Variants in SRGAP1 observed in about 807,000 individuals in gnomAD.
SRGAP1 encodes the protein SLIT-ROBO Rho GTPase activating protein 1, also known as SLIT-ROBO Rho GTPase-activating protein 1.
A neutral mutation model predicts 121.9 loss-of-function variants in SRGAP1; 43 were observed. That is an observed-to-expected ratio of 0.35 (90% CI 0.28 to 0.46). The LOEUF (loss-of-function observed/expected upper bound fraction) is 0.46. Ranked by LOEUF, SRGAP1 falls within the 20% of genes least tolerant of loss-of-function variation. The probability of loss-of-function intolerance (pLI) is 1.00; values close to 1 mark genes in which losing one functional copy is unlikely to be tolerated. For synonymous variants in SRGAP1, 447 were observed against 485.4 expected (o/e 0.92, Z 1.04); for missense variants, 1,102 against 1,350.9 (o/e 0.82, Z 2.89).
At chr12:64,062,710 G>A (rs1052094630) in intron 6 of SRGAP1, among the ~76,000 whole-genome samples, 1 of 151,636 alleles carries the variant, frequency 6.6e-6, no homozygotes, top group Non-Finnish European at 1.5e-5. Context: ...AGAGACGGGG[G>A]GTCTTCAATT....
intron 1 of SRGAP1, among the ~76,000 whole-genome samples, chr12:63,905,566 C>G (rs1317397904): frequency 2.0e-5 from 3 of 152,178 alleles, no homozygotes; most frequent in Non-Finnish European, 4.4e-5. Flanking sequence ...GAGCTCTAAA[C>G]TAACAAGTTT....
At chr12:63,963,175 A>G (rs1404619789) in intron 1 of SRGAP1, among the ~76,000 whole-genome samples, 2 of 152,190 alleles carry the variant, frequency 1.3e-5, no homozygotes, top group African/African-American at 4.8e-5. Context: ...CACAGGAACC[A>G]CCAGTTAAGA....
intron 1 of SRGAP1, among the ~76,000 whole-genome samples, chr12:63,870,106 A>G (rs1161888461): frequency 6.6e-6 from 1 of 152,210 alleles, no homozygotes; most frequent in Non-Finnish European, 1.5e-5. Flanking sequence ...CTTCCAAAAA[A>G]CTAGGAAGAA....
intron 8 of SRGAP1, among the ~76,000 whole-genome samples, chr12:64,069,579 A>G: frequency 6.6e-6 from 1 of 152,184 alleles, no homozygotes. Context: ...CTGCTGCCAC[A>G]CAGCCTTGTT....
At chr12:64,080,595 TG>T in intron 10 of SRGAP1, 1 of 607,726 alleles carries the variant, frequency 1.6e-6, no homozygotes, top group Non-Finnish European at 3.0e-6. Flanking sequence ...TAGGGAGGGC[TG>T]GAAAGTCAAT....
At chr12:63,878,984 G>A (rs1259443764) in intron 1 of SRGAP1, 8 of 152,070 alleles carry the variant, frequency 5.3e-5, no homozygotes, top group Admixed American at 4.6e-4. Context: ...AATGATTTTT[G>A]AAAAACTTTA....
intron 3 of SRGAP1, among the ~76,000 whole-genome samples, chr12:64,008,267 T>C (rs2034147349): frequency 6.6e-6 from 1 of 152,220 alleles, no homozygotes; most frequent in African/African-American, 2.4e-5. Context: ...TCATCCCATG[T>C]GCAATTGCCC....
At chr12:64,090,347 TA>T (rs1384416502) in intron 11 of SRGAP1, among the ~76,000 whole-genome samples, 1 of 152,214 alleles carries the variant, frequency 6.6e-6, no homozygotes, top group African/African-American at 2.4e-5. Flanking sequence ...CATAAACAAG[TA>T]CATCCTCAGA....
intron 2 of SRGAP1, 83 bp downstream of exon 2, chr12:63,984,225 A>G (rs2033353027): frequency 6.4e-6 from 5 of 778,864 alleles, no homozygotes; most frequent in Admixed American, 3.2e-5. Context: ...TTATTTTTCT[A>G]TTTTTGTCTG....
chr12:64,054,386 C>T (rs1044455378), intron 6 of SRGAP1, among the ~76,000 whole-genome samples: 5 of 152,138 alleles, frequency 3.3e-5, no homozygotes, highest in Non-Finnish European at 5.9e-5. Flanking sequence ...TAATCAGCTA[C>T]GTTAAAGCTT....
intron 18 of SRGAP1, 25 bp downstream of exon 18, chr12:64,115,918 T>C: frequency 6.3e-7 from 1 of 1,588,956 alleles, no homozygotes; most frequent in Non-Finnish European, 8.6e-7. Flanking sequence ...TATGCTATTA[T>C]AAAGCCAGTC....
chr12:64,017,577 C>T (rs2034435901), intron 4 of SRGAP1, among the ~76,000 whole-genome samples: 1 of 151,796 alleles, frequency 6.6e-6, no homozygotes, highest in South Asian at 2.1e-4. Context: ...ATCACTTGAA[C>T]CCGGGAGGCA....
chr12:63,931,492 T>C (rs1344285682), intron 1 of SRGAP1, among the ~76,000 whole-genome samples: 2 of 152,204 alleles, frequency 1.3e-5, no homozygotes, highest in African/African-American at 4.8e-5. Flanking sequence ...CTCTAACAAA[T>C]ATTTATTGAG....
intron 1 of SRGAP1, among the ~76,000 whole-genome samples, chr12:63,890,387 T>C (rs1900539111): frequency 6.6e-6 from 1 of 152,166 alleles, no homozygotes; most frequent in Non-Finnish European, 1.5e-5. Context: ...CCCTCCTCCA[T>C]GCCATTCGCT....
At chr12:63,969,595 C>T (rs2032883747) in intron 1 of SRGAP1, among the ~76,000 whole-genome samples, 1 of 151,984 alleles carries the variant, frequency 6.6e-6, no homozygotes, top group African/African-American at 2.4e-5. Flanking sequence ...AGATTGAGAC[C>T]ATCCTGGCTA....
chr12:64,073,735 G>C (rs2035683969), intron 8 of SRGAP1, among the ~76,000 whole-genome samples: 1 of 147,366 alleles, frequency 6.8e-6, no homozygotes, highest in Admixed American at 6.7e-5. Context: ...ACCCACAGTT[G>C]GTTGAATTTG....
At chr12:63,929,572 C>T (rs914296497) in intron 1 of SRGAP1, among the ~76,000 whole-genome samples, 11 of 142,686 alleles carry the variant, frequency 7.7e-5, no homozygotes, top group South Asian at 2.1e-4. Flanking sequence ...AAAGCCCCCA[C>T]GAGTTTTTTT....
rs1592984503 is a variant in SRGAP1 at position 63,960,940 on chromosome 12, C to T, written c.68-23007C>T. 5.3e-5 allele frequency among the ~76,000 whole-genome samples: 8 copies of T among 152,192 alleles called. No individual in the cohort carries two copies. The South Asian group carries it at 1.7e-3, about 32-fold the overall frequency. On this transcript the variant is annotated intron_variant, in intron 1 of 21. Coordinates refer to ENST00000355086, the MANE Select transcript of SRGAP1 (RefSeq NM_020762.4). ...GCTTTGGTATTTGCCTCTGAAAAAT[C>T]ATCTGGACTTCTGCACTCCAGAACT...
chr12:64,134,250 TC>T (rs2036826832), intron 21 of SRGAP1, among the ~76,000 whole-genome samples: 1 of 151,704 alleles, frequency 6.6e-6, no homozygotes, highest in East Asian at 2.0e-4. Context: ...TGAAACCCCG[TC>T]TCTACTAAAA....
Sources: allele counts gnomAD v4.1 joint callset (sites outside exome capture counted in the v4.1 genomes callset), GRCh38; gene constraint gnomAD v4.1.1; transcripts MANE v1.5; gene names NCBI Gene and HGNC (gene_info 2026-07-23, HGNC 2026-07-21).